GPC5: variants seen among roughly 807,000 people sequenced by gnomAD.
GPC5 encodes glypican-5.
A neutral mutation model predicts 53.9 loss-of-function variants in GPC5; 47 were observed. The observed-to-expected ratio is 0.87, with a 90% confidence interval of 0.69 to 1.11. The LOEUF (loss-of-function observed/expected upper bound fraction) is 1.11. GPC5 is among the 50% of genes most tolerant of loss of function. The pLI is 0.00. For missense variants in GPC5, 748 were observed against 713.1 expected (o/e 1.05, Z -0.56); for synonymous variants, 286 against 263.3 (o/e 1.09, Z -0.84).
chr13:92,310,798 C>T (rs985985796), intron 7 of GPC5, among the ~76,000 whole-genome samples: 2 of 152,178 alleles, frequency 1.3e-5, no homozygotes, highest in African/African-American at 4.8e-5. Context: ...GTTTAACTTA[C>T]ACTCGGTAAA....
At chr13:91,647,076 T>C (rs2034576952) in intron 2 of GPC5, among the ~76,000 whole-genome samples, 1 of 63,394 alleles carries the variant, frequency 1.6e-5, no homozygotes, top group Admixed American at 1.7e-4. Context: ...TATGCGTGTG[T>C]GTGTGTGTGT....
intron 7 of GPC5, among the ~76,000 whole-genome samples, chr13:92,277,304 T>A (rs1032959596): frequency 2.6e-5 from 4 of 151,958 alleles, no homozygotes; most frequent in African/African-American, 9.7e-5. Context: ...TGGGGGAAAA[T>A]CCATACATTT....
chr13:92,703,346 G>C (rs889611154), intron 7 of GPC5, among the ~76,000 whole-genome samples: 1 of 151,290 alleles, frequency 6.6e-6, no homozygotes, highest in Non-Finnish European at 1.5e-5. Flanking sequence ...CTTAACTGTA[G>C]GAGATATGAT....
rs528710197 is a variant in GPC5 at position 91,799,232 on chromosome 13, C to T, written c.1280+42812C>T. 7.9e-5 allele frequency among the ~76,000 whole-genome samples: 12 copies of T among 152,202 alleles called. 1 individual carries two copies. Among genetic ancestry groups the T allele is most frequent in the East Asian group, 7.7e-4 (4 of 5,188 alleles). Reference sequence around the variant, plus strand: ...TATCCTAAACAAATTAAGGCAAGAACGGAAAATCAAATATTGCCTATTCTC... The same window carrying T: ...TATCCTAAACAAATTAAGGCAAGAATGGAAAATCAAATATTGCCTATTCTC... On this transcript the variant is annotated intron_variant, in intron 5 of 7. Transcript: ENST00000377067.
At chr13:91,897,030 C>CTCA (rs2039449387) in intron 5 of GPC5, among the ~76,000 whole-genome samples, 1 of 151,546 alleles carries the variant, frequency 6.6e-6, no homozygotes, top group African/African-American at 2.4e-5. Context: ...CTTCTTCTTC[C>CTCA]TCCTCCTCTT....
chr13:92,142,106 TTGA>T (rs2041836147), intron 6 of GPC5, among the ~76,000 whole-genome samples: 2 of 152,202 alleles, frequency 1.3e-5, no homozygotes, highest in South Asian at 4.1e-4. Context: ...AAATGACAAG[TTGA>T]TGGGTGCAGC....
At chr13:91,638,299 T>G (rs1283290233) in intron 2 of GPC5, among the ~76,000 whole-genome samples, 1 of 152,214 alleles carries the variant, frequency 6.6e-6, no homozygotes, top group Non-Finnish European at 1.5e-5. Context: ...TATTTTTCCT[T>G]ATTGATCTAT....
intron 7 of GPC5, among the ~76,000 whole-genome samples, chr13:92,781,143 G>A (rs975597748): frequency 6.6e-6 from 1 of 152,114 alleles, no homozygotes; most frequent in Non-Finnish European, 1.5e-5. Context: ...AAAATTAAAC[G>A]TTCCTTATAT....
At chr13:92,199,997 CACTT>C (rs1346659968) in intron 7 of GPC5, among the ~76,000 whole-genome samples, 2 of 152,146 alleles carry the variant, frequency 1.3e-5, no homozygotes, top group Non-Finnish European at 2.9e-5. Flanking sequence ...TGCTGAAAAA[CACTT>C]ATACTTACCT....
At chr13:91,813,700 T>C (rs1375290803) in intron 5 of GPC5, among the ~76,000 whole-genome samples, 1 of 152,142 alleles carries the variant, frequency 6.6e-6, no homozygotes, top group Non-Finnish European at 1.5e-5. Context: ...TGATTCAAAT[T>C]TCTCCCAGTA....
chr13:92,513,217 A>G (rs1880639900), intron 7 of GPC5, among the ~76,000 whole-genome samples: 1 of 152,236 alleles, frequency 6.6e-6, no homozygotes, highest in African/African-American at 2.4e-5. Context: ...CAGCAGGAAC[A>G]TGGCTTTTTC....
At position 92,369,780 on chromosome 13, in the gene GPC5, A is replaced by C. The variant is rs72638669; in HGVS notation, c.1561+224791A>C. Among the ~76,000 whole-genome samples the C allele has an allele frequency of 6.6e-3, 1,002 of 152,298 alleles. 8 individuals carry two copies. The highest frequency in any genetic ancestry group is 0.01 in the Non-Finnish European group (696 of 68,024). On this transcript the variant is annotated intron_variant, in intron 7 of 7. Transcript: ENST00000377067. The stretch of plus-strand genomic sequence containing the variant: ...TACCTTTGCCTGTGTTGTATTACAT[A>C]TAGTAACTGGAATTAATTTTTATAG...
At chr13:92,524,088 A>G (rs948890541) in intron 7 of GPC5, among the ~76,000 whole-genome samples, 3 of 152,040 alleles carry the variant, frequency 2.0e-5, no homozygotes, top group African/African-American at 7.2e-5. Context: ...AAAGCAGACA[A>G]TGATAAAGTT....
intron 2 of GPC5, among the ~76,000 whole-genome samples, chr13:91,451,934 A>G (rs138619085): frequency 3.3e-5 from 5 of 152,090 alleles, no homozygotes; most frequent in South Asian, 2.1e-4. Flanking sequence ...CTTAAAATGA[A>G]CAAAACAGAC....
intron 5 of GPC5, among the ~76,000 whole-genome samples, chr13:91,834,421 A>G (rs1472077896): frequency 2.0e-5 from 3 of 152,176 alleles, no homozygotes; most frequent in Admixed American, 6.5e-5. Context: ...GAACCAAAAA[A>G]GAGCCCACAC....
At chr13:92,417,297 C>T (rs1594184523) in intron 7 of GPC5, among the ~76,000 whole-genome samples, 1 of 152,034 alleles carries the variant, frequency 6.6e-6, no homozygotes, top group African/African-American at 2.4e-5. Flanking sequence ...ATGAACACTC[C>T]GATGAGATAC....
intron 7 of GPC5, among the ~76,000 whole-genome samples, chr13:92,760,341 T>G (rs1340038438): frequency 2.0e-5 from 3 of 152,156 alleles, no homozygotes; most frequent in Admixed American, 2.0e-4. Context: ...TTTTAATTAT[T>G]ACTTTAATGT....
chr13:92,055,596 C>T (rs2041068042), intron 6 of GPC5, among the ~76,000 whole-genome samples: 1 of 152,150 alleles, frequency 6.6e-6, no homozygotes, highest in Admixed American at 6.5e-5. Context: ...ATATGTAAAG[C>T]AACAACATTT....
chr13:92,360,139 G>T (rs1417043034), intron 7 of GPC5, among the ~76,000 whole-genome samples: 3 of 151,616 alleles, frequency 2.0e-5, no homozygotes, highest in Non-Finnish European at 2.9e-5. Flanking sequence ...CTTTGCCAAA[G>T]AATTTGTCAT....
Sources: gnomAD v4.1 joint callset for allele counts (sites outside exome capture counted in the v4.1 genomes callset) on GRCh38, gnomAD v4.1.1 for gene constraint, MANE v1.5 for transcripts, NCBI Gene and HGNC (gene_info 2026-07-23, HGNC 2026-07-21) for gene names.